NGFR: variants seen among roughly 807,000 people sequenced by gnomAD.
NGFR encodes nerve growth factor receptor.
In NGFR, 30 loss-of-function variants were observed where a neutral mutation model predicts 43.2. That is an observed-to-expected ratio of 0.69 (90% confidence interval 0.52 to 0.94). The LOEUF is 0.94. Among genes scored for constraint, NGFR ranks in the 40% least tolerant of loss-of-function variants. The pLI, the probability that NGFR is intolerant of heterozygous loss-of-function variation, is 0.00. For missense variants in NGFR, 529 were observed against 602.5 expected (o/e 0.88, Z 1.28); for synonymous variants, 246 against 259.6 (o/e 0.95, Z 0.50).
intron 4 of NGFR, chr17:49,511,089 G>C: frequency 6.7e-6 from 1 of 149,998 alleles, no homozygotes; most frequent in Non-Finnish European, 1.4e-5. Context: ...GCATTTTAAA[G>C]CTTTAAATGC....
Position 49,512,950 on chromosome 17 carries a change from C to T in NGFR, c.1225C>T (p.Gln409Ter), listed in dbSNP as rs1782525594. ...CCTCCTGGCCGCCCTGCGCCGCATC[C>T]AGCGAGCCGACCTCGTGGAGAGTCT... The part of the protein sequence containing the change: ...DALLAALRRI[Q>*]RADLVESLCS... Residue 409 changes from glutamine to a stop codon, truncating the protein, a stop_gained, in exon 6 of 6, where the codon CAG becomes TAG. Transcript: ENST00000172229. LOFTEE classifies it high-confidence loss of function. The surrounding 1 kb of genome is among the most constrained non-coding windows in gnomAD (Gnocchi z 5.2). 1 of 1,609,600 alleles carries T rather than the reference C, an allele frequency of 6.2e-7. No homozygotes were observed. The highest frequency in any genetic ancestry group is 1.7e-5 in the Admixed American group (1 of 59,768).
chr17:49,495,424 G>A lies in NGFR; in HGVS notation c.7G>A (p.Ala3Thr), dbSNP rs1002690974. The A allele has an allele frequency of 1.6e-6, 2 of 1,235,538 alleles. No individual in the cohort carries two copies. Among genetic ancestry groups the A allele is most frequent in the South Asian group, 4.1e-5 (1 of 24,484 alleles). The allele number at this position is 1,235,538 out of a possible 1,614,324, so 76.5% of individuals were successfully genotyped here. Residue 3 changes from alanine (A) to threonine (T), a missense_variant, in exon 1 of 6, where the codon GCA (alanine) becomes ACA (threonine). Ala to Thr is a moderately conservative substitution (Grantham distance 58, BLOSUM62 0). Transcript: ENST00000172229. This position sits in a 1 kb window ranked among gnomAD's most constrained non-coding sequence, Gnocchi z 6.4. ...CTGCCGCGGGAGGCGGGCGATGGGG[G>A]CAGGTGCCACCGGCCGCGCCATGGA... MGAGATGRAMDGP... is the reference protein window; with the variant it reads MGTGATGRAMDGP...
chr17:49,508,417 A>G (rs1385055058), intron 3 of NGFR, among the ~76,000 whole-genome samples: 4 of 152,144 alleles, frequency 2.6e-5, no homozygotes, highest in Non-Finnish European at 5.9e-5. Flanking sequence ...GAGTGTTCAT[A>G]CCAGACCCTG....
In NGFR at chr17:49,495,759, T is replaced by G; in HGVS notation, c.66+276T>G. 1 of 378,684 alleles carries G rather than the reference T, an allele frequency of 2.6e-6. No homozygotes were observed. Among genetic ancestry groups the G allele is most frequent in the Non-Finnish European group, 4.7e-6 (1 of 213,694 alleles). 23.5% of individuals were successfully genotyped at this position (378,684 alleles called of 1,614,324 possible). A position where few individuals can be genotyped will look rare whatever the true frequency, so the allele number is the denominator to read the frequency against. On this transcript the variant is annotated intron_variant, in intron 1 of 5. Transcript: ENST00000172229. This position sits in a 1 kb window ranked among gnomAD's most constrained non-coding sequence, Gnocchi z 6.4. ...GCGGTGGGGGAGCTGGGAGGGGTCT[T>G]TCAAGAGGGGGCATGGGGCTCTCCG...
intron 3 of NGFR, 106 bp downstream of exon 3, chr17:49,506,764 G>A (rs2071202291): frequency 1.7e-6 from 2 of 1,164,236 alleles, no homozygotes; most frequent in Non-Finnish European, 2.4e-6. Context: ...TGGCCTGCTG[G>A]GGCAGCTTGG....
chr17:49,500,175 C>A lies in NGFR; in HGVS notation c.67-1888C>A, dbSNP rs181766516. ...TAATCGCTGGTGTAAATACAGAGTC[C>A]CTGAGTCATGGGAAGCCATGAAGCT... On this transcript the variant is annotated intron_variant, in intron 1 of 5. Transcript: ENST00000172229. Among the ~76,000 whole-genome samples, 28 of 151,962 alleles carry A rather than the reference C, an allele frequency of 1.8e-4. 1 individual carries two copies. The highest frequency in any genetic ancestry group is 1.8e-3 in the Admixed American group (28 of 15,266).
In NGFR at chr17:49,506,654, C is replaced by T. The variant is rs755298146; in HGVS notation, c.564C>T (p.Cys188=). 2.1e-6 allele frequency: 2 copies of T among 965,080 alleles called. No individual in the cohort carries two copies. The highest frequency in any genetic ancestry group is 1.1e-4 in the East Asian group (1 of 8,904). 59.8% of individuals were successfully genotyped at this position (965,080 alleles called of 1,614,324 possible). Residue 188 remains cysteine (C), a synonymous_variant, in exon 3 of 6, where the codon TGC becomes TGT. Transcript: ENST00000172229. ...GCACACGCTGGGCCGACGCCGAGTG[C>T]GAGGGTGAGTGCGGTTCGGGGGGCG... The part of the protein sequence containing the change: ...RECTRWADAE[C]EEIPGRWITR...
At chr17:49,511,712 A>G (rs1008049183) in intron 4 of NGFR, among the ~76,000 whole-genome samples, 180 bp from the exon 5 acceptor site, 5 of 152,172 alleles carry the variant, frequency 3.3e-5, no homozygotes, top group Admixed American at 2.6e-4. Flanking sequence ...CTCTGCCCTC[A>G]TGGAGCTTTC....
rs2071246412 is a variant in NGFR, at chr17:49,513,126, C to T, written c.*117C>T. On this transcript the variant is annotated 3_prime_UTR_variant, in exon 6 of 6. Transcript: ENST00000172229. ...GGGCCCGCCTGGCAGAACTGAGCTCCTCTGGGCAGGACCTCAGAGTCCAGG... is the reference window on the plus strand; with the variant it reads ...GGGCCCGCCTGGCAGAACTGAGCTCTTCTGGGCAGGACCTCAGAGTCCAGG... 1.7e-6 allele frequency: 2 copies of T among 1,163,530 alleles called. No homozygotes were observed. Among genetic ancestry groups the T allele is most frequent in the Non-Finnish European group, 2.3e-6 (2 of 852,192 alleles). 72.1% of individuals were successfully genotyped at this position (1,163,530 alleles called of 1,614,324 possible).
At chr17:49,502,000 A>AGGCCCCCCCCCCCCCCC in intron 1 of NGFR, 63 bp from the exon 2 acceptor site, 4 of 264,884 alleles carry the variant, frequency 1.5e-5, no homozygotes, top group Non-Finnish European at 2.4e-5. Context: ...CCCCGGAAGA[A>AGGCCCCCCCCCCCCCCC]CCCCCCCCAA....
chr17:49,500,848 T>TC (rs2143425508), intron 1 of NGFR, among the ~76,000 whole-genome samples: 1 of 152,204 alleles, frequency 6.6e-6, no homozygotes, highest in South Asian at 2.1e-4. Context: ...TCTGTTTCCT[T>TC]CCCCACCAAA....
intron 2 of NGFR, among the ~76,000 whole-genome samples, chr17:49,503,370 G>T (rs1031305278): frequency 5.3e-5 from 8 of 152,212 alleles, no homozygotes; most frequent in Admixed American, 3.3e-4. Flanking sequence ...CCAGTCCTCA[G>T]TTGCTGCCTT....
In NGFR at chr17:49,502,275, G is replaced by A. The variant is rs759457737; in HGVS notation, c.208+71G>A. Reference sequence around the variant, plus strand: ...GAGGAGAGGGGTGAAAGGGAGGGGCGCTGGGGAGAAGCATGCCCAGTAGAG... The same window carrying A: ...GAGGAGAGGGGTGAAAGGGAGGGGCACTGGGGAGAAGCATGCCCAGTAGAG... On this transcript the variant is annotated intron_variant, in intron 2 of 5. Coordinates refer to ENST00000172229, the MANE Select transcript of NGFR (RefSeq NM_002507.4). The A allele has an allele frequency of 1.6e-5, 24 of 1,491,516 alleles. No individual in the cohort carries two copies. In the East Asian group the frequency reaches 2.5e-4, roughly 16 times the overall value. The allele number at this position is 1,491,516 out of a possible 1,614,324, so 92.4% of individuals were successfully genotyped here.
chr17:49,512,716 G>C lies in NGFR; in HGVS notation c.991G>C (p.Gly331Arg). The C allele has an allele frequency of 6.3e-7, 1 of 1,599,390 alleles. No individual in the cohort carries two copies. Among genetic ancestry groups the C allele is most frequent in the South Asian group, 1.1e-5 (1 of 88,416 alleles). The part of the protein sequence containing the change: ...TQTASGQALK[G>R]DGGLYSSLPP... ...CTCTGGTTTCTCTGCAGCCCTCAAG[G>C]GTGACGGAGGCCTCTACAGCAGCCT... Residue 331 changes from glycine (G) to arginine (R), a missense_variant, in exon 6 of 6, where the codon GGT becomes CGT. By Grantham distance (125) the Gly-to-Arg change is moderately radical (BLOSUM62 -2). Coordinates refer to ENST00000172229, the MANE Select transcript of NGFR (RefSeq NM_002507.4). The surrounding 1 kb of genome is among the most constrained non-coding windows in gnomAD (Gnocchi z 5.2).
intron 2 of NGFR, among the ~76,000 whole-genome samples, chr17:49,505,397 A>G (rs919786863): frequency 1.3e-5 from 2 of 152,132 alleles, no homozygotes; most frequent in Admixed American, 1.3e-4. Context: ...AGGGGTGAAG[A>G]AGATCTGGCC....
In NGFR at chr17:49,513,578, C is replaced by T. The variant is rs1465374890; in HGVS notation, c.*569C>T. 1 of 153,172 alleles carries T rather than the reference C, an allele frequency of 6.5e-6. No homozygotes were observed. Among genetic ancestry groups the T allele is most frequent in the East Asian group, 1.9e-4 (1 of 5,174 alleles). 9.5% of individuals were successfully genotyped at this position (153,172 alleles called of 1,614,324 possible). ...AGGGGTTTTCGAAGCTCAGCCCACC[C>T]CCCTCATTTTGGATATAGGTCAGTG... On this transcript the variant is annotated 3_prime_UTR_variant, in exon 6 of 6. Coordinates refer to ENST00000172229, the MANE Select transcript of NGFR (RefSeq NM_002507.4).
At chr17:49,506,944 G>T (rs2071203558) in intron 3 of NGFR, among the ~76,000 whole-genome samples, 1 of 152,186 alleles carries the variant, frequency 6.6e-6, no homozygotes. Flanking sequence ...GTACTACATT[G>T]TAACTCATCC....
chr17:49,495,550 C>T lies in NGFR; in HGVS notation c.66+67C>T. The T allele has an allele frequency of 8.5e-7, 1 of 1,181,806 alleles. No homozygotes were observed. The highest frequency in any genetic ancestry group is 1.1e-6 in the Non-Finnish European group (1 of 939,880). The allele number at this position is 1,181,806 out of a possible 1,614,324, so 73.2% of individuals were successfully genotyped here. ...CAGAACTCCGAGAAGAGCCGGGCGC[C>T]GCCACCAAGGAAACAGAACAGAGCA... On this transcript the variant is annotated intron_variant, in intron 1 of 5. Coordinates refer to ENST00000172229, the MANE Select transcript of NGFR (RefSeq NM_002507.4). This position sits in a 1 kb window ranked among gnomAD's most constrained non-coding sequence, Gnocchi z 6.4.
rs980651699 is a variant in NGFR, at chr17:49,506,558, C to T, written c.468C>T (p.Asp156=). 6.2e-7 allele frequency: 1 copy of T among 1,611,608 alleles called. No individual in the cohort carries two copies. The highest frequency in any genetic ancestry group is 2.2e-5 in the East Asian group (1 of 44,826). Residue 156 remains aspartate, a synonymous_variant, in exon 3 of 6, where the codon GAC becomes GAT. Coordinates refer to ENST00000172229, the MANE Select transcript of NGFR (RefSeq NM_002507.4). Reference sequence around the variant, plus strand: ...AGTGCCCCGACGGCACGTATTCCGACGAGGCCAACCACGTGGACCCGTGCC... The same window carrying T: ...AGTGCCCCGACGGCACGTATTCCGATGAGGCCAACCACGTGGACCCGTGCC... ...CEECPDGTYS[D]EANHVDPCLP...
Sources: gnomAD v4.1 joint callset for allele counts (sites outside exome capture counted in the v4.1 genomes callset) on GRCh38, gnomAD v4.1.1 for gene constraint, Gnocchi (gnomAD v3.1) non-coding constraint, MANE v1.5 for transcripts, NCBI Gene and HGNC (gene_info 2026-07-23, HGNC 2026-07-21) for gene names.